The following ALG14 variants were observed in gnomAD, a reference collection of about 807,000 sequenced individuals.
ALG14 encodes the protein ALG14 UDP-N-acetylglucosaminyltransferase subunit, also known as UDP-N-acetylglucosamine transferase subunit ALG14.
A neutral mutation model predicts 22.8 loss-of-function variants in ALG14; 17 were observed. The ratio of observed to expected loss-of-function variants is 0.75; its 90% CI spans 0.51 to 1.12. The LOEUF is 1.12. Ranked by LOEUF, ALG14 falls within the 50% of genes most tolerant of loss-of-function variation. The probability of loss-of-function intolerance (pLI) is 0.00; values close to 1 mark genes in which losing one functional copy is unlikely to be tolerated. For synonymous variants in ALG14, 89 were observed against 103.7 expected (o/e 0.86, Z 0.86); for missense variants, 288 against 271.8 (o/e 1.06, Z -0.42).
chr1:95,049,802 T>C (rs1483785507), intron 2 of ALG14, among the ~76,000 whole-genome samples: 3 of 151,388 alleles, frequency 2.0e-5, no homozygotes, highest in Non-Finnish European at 2.9e-5. Flanking sequence ...ACCCAGGAGG[T>C]GGAGGCTGCA....
intron 3 of ALG14, among the ~76,000 whole-genome samples, chr1:94,988,946 AAT>A (rs1672706667): frequency 6.6e-6 from 1 of 152,240 alleles, no homozygotes; most frequent in Non-Finnish European, 1.5e-5. Flanking sequence ...TTTATACTCT[AAT>A]ATATGTTCAT....
chr1:95,069,761 TG>T (rs1457956885), intron 1 of ALG14, among the ~76,000 whole-genome samples: 27 of 152,202 alleles, frequency 1.8e-4, no homozygotes, highest in Non-Finnish European at 1.0e-4. Flanking sequence ...CATACTCCCC[TG>T]AGGCTTGCCA....
chr1:94,992,502 G>A (rs761140539), intron 3 of ALG14, among the ~76,000 whole-genome samples: 2 of 152,102 alleles, frequency 1.3e-5, no homozygotes, highest in African/African-American at 2.4e-5. Context: ...AGAGGATGAC[G>A]AATGAAGATT....
In ALG14 at chr1:95,064,895, C is replaced by T. The variant is rs1333717428; in HGVS notation, c.259G>A (p.Asp87Asn). 1 of 1,613,866 alleles carries T rather than the reference C, an allele frequency of 6.2e-7. No homozygotes were observed. Among genetic ancestry groups the T allele is most frequent in the Non-Finnish European group, 8.5e-7 (1 of 1,179,818 alleles). ...TTACTAGGGTCTCTATCAGCTCGAT[C>T]TAGTTCAAAAGAATTTATTTTATTG... is the stretch of plus-strand genomic sequence containing the variant. ...SANKINSFEL[D>N]RADRDPSNMY... Residue 87 changes from aspartate to asparagine, a missense_variant, in exon 2 of 4, where the codon GAT becomes AAT. By Grantham distance (23) the Asp-to-Asn change is conservative. Coordinates refer to ENST00000370205, the MANE Select transcript of ALG14 (RefSeq NM_144988.4).
At chr1:95,033,418 TATACACACACACAC>T (rs1175675794) in intron 2 of ALG14, among the ~76,000 whole-genome samples, 4 of 130,364 alleles carry the variant, frequency 3.1e-5, no homozygotes, top group African/African-American at 1.2e-4. Flanking sequence ...TATATATATA[TATACACACACACAC>T]ACACACACAC....
At chr1:95,003,652 G>T (rs1332712456) in intron 3 of ALG14, among the ~76,000 whole-genome samples, 1 of 150,942 alleles carries the variant, frequency 6.6e-6, no homozygotes, top group Non-Finnish European at 1.5e-5. Context: ...TAGAGATGAG[G>T]TCTTGCTATG....
chr1:95,011,705 G>A (rs533951974), intron 3 of ALG14, among the ~76,000 whole-genome samples: 306 of 152,140 alleles, frequency 2.0e-3, no homozygotes, highest in Non-Finnish European at 3.9e-3. Context: ...GTGAGCCGCC[G>A]TGCCCAGCCG....
At chr1:95,035,424 T>C (rs1557965666) in intron 2 of ALG14, among the ~76,000 whole-genome samples, 1 of 152,238 alleles carries the variant, frequency 6.6e-6, no homozygotes, top group Non-Finnish European at 1.5e-5. Flanking sequence ...AACAGGGCCA[T>C]GTCCCATAGT....
chr1:95,021,385 C>A (rs1440965934), intron 3 of ALG14, among the ~76,000 whole-genome samples: 1 of 152,172 alleles, frequency 6.6e-6, no homozygotes, highest in Non-Finnish European at 1.5e-5. Context: ...CATGACGCTT[C>A]CCTACTGACT....
At chr1:95,047,624 G>A (rs1399227127) in intron 2 of ALG14, among the ~76,000 whole-genome samples, 1 of 152,180 alleles carries the variant, frequency 6.6e-6, no homozygotes, top group South Asian at 2.1e-4. Context: ...GATTACAGGT[G>A]TGAGCCACAG....
In ALG14 at chr1:94,975,771, C is replaced by G. The variant is rs572767711; in HGVS notation, c.*7305G>C. The G allele has an allele frequency of 1.3e-5, 2 of 151,774 alleles. No individual in the cohort carries two copies. The highest frequency in any genetic ancestry group is 4.9e-5 in the African/African-American group (2 of 41,224). 9.4% of individuals were successfully genotyped at this position (151,774 alleles called of 1,614,324 possible). On this transcript the variant is annotated 3_prime_UTR_variant, in exon 4 of 4. Transcript: ENST00000370205. ...ATCCCAGCACTTTGGGAGGCCGAGG[C>G]GGGCAGATCACGAGGTGAGGAGATG...
chr1:95,064,989 C>T lies in ALG14; in HGVS notation c.165G>A (p.Leu55=), dbSNP rs768248972. Reference sequence around the variant, plus strand: ...AGTAGGCATTGGACAAGCTCCCAAGCAGCCTCAGGATCTCAGTGGTATGCC... The same window carrying T: ...AGTAGGCATTGGACAAGCTCCCAAGTAGCCTCAGGATCTCAGTGGTATGCC... The part of the protein sequence containing the change: ...SGGHTTEILR[L]LGSLSNAYSP... Residue 55 remains leucine (L), a synonymous_variant, in exon 2 of 4, where the codon CTG becomes CTA. Coordinates refer to ENST00000370205, the MANE Select transcript of ALG14 (RefSeq NM_144988.4). 2 of 1,613,342 alleles carry T rather than the reference C, an allele frequency of 1.2e-6. No homozygotes were observed. The highest frequency in any genetic ancestry group is 2.2e-5 in the South Asian group (2 of 90,996).
chr1:94,988,171 C>T (rs11165284), intron 3 of ALG14, among the ~76,000 whole-genome samples: 22,453 of 151,954 alleles, frequency 0.15, 1,962 homozygotes, highest in African/African-American at 0.23. Flanking sequence ...GGCTCCATTA[C>T]GTAGACAGGT....
chr1:95,050,037 G>A lies in ALG14; in HGVS notation c.288+14829C>T, dbSNP rs563317972. ...TTAACATTTCTAATTTGTATCTTCT[G>A]ATTTCTGGGAAGCTCTCTGTGTTTT... On this transcript the variant is annotated intron_variant, in intron 2 of 3. Transcript: ENST00000370205. Among the ~76,000 whole-genome samples the A allele has an allele frequency of 5.9e-5, 9 of 152,138 alleles. No homozygotes were observed. In the East Asian group the frequency reaches 1.7e-3, roughly 29 times the overall value.
intron 2 of ALG14, among the ~76,000 whole-genome samples, chr1:95,063,160 ATTTG>A (rs1236979460): frequency 6.6e-6 from 1 of 152,058 alleles, no homozygotes; most frequent in Non-Finnish European, 1.5e-5. Flanking sequence ...TTTCTTGTAA[ATTTG>A]TTTAAGTTCC....
Position 94,982,351 on chromosome 1 carries a change from C to T in ALG14, c.*725G>A, listed in dbSNP as rs1672515115. 6.6e-6 allele frequency: 1 copy of T among 152,116 alleles called. No homozygotes were observed. Among genetic ancestry groups the T allele is most frequent in the South Asian group, 2.1e-4 (1 of 4,816 alleles). The allele number at this position is 152,116 out of a possible 1,614,324, so 9.4% of individuals were successfully genotyped here. On this transcript the variant is annotated 3_prime_UTR_variant, in exon 4 of 4. Transcript: ENST00000370205. ...ATGTTGGTCAGGCTGGTGTCAAACT[C>T]CTGACCTCCAGTGATCCACCCGCCT...
In ALG14 at chr1:94,976,690, T is replaced by C. The variant is rs1409071950; in HGVS notation, c.*6386A>G. 1 of 151,832 alleles carries C rather than the reference T, an allele frequency of 6.6e-6. No homozygotes were observed. The highest frequency in any genetic ancestry group is 1.5e-5 in the Non-Finnish European group (1 of 68,052). The allele number at this position is 151,832 out of a possible 1,614,324, so 9.4% of individuals were successfully genotyped here. On this transcript the variant is annotated 3_prime_UTR_variant, in exon 4 of 4. Coordinates refer to ENST00000370205, the MANE Select transcript of ALG14 (RefSeq NM_144988.4). ...CTGGGTGACAGAGTGAGACTCCGTC[T>C]TAAAGAAAAAAAAAAAAGATGTCCC... is the stretch of plus-strand genomic sequence containing the variant.
chr1:95,029,863 A>G (rs1367769158), intron 2 of ALG14, among the ~76,000 whole-genome samples: 1 of 152,204 alleles, frequency 6.6e-6, no homozygotes, highest in African/African-American at 2.4e-5. Flanking sequence ...CTCAATATGT[A>G]TCCACTATTT....
intron 2 of ALG14, among the ~76,000 whole-genome samples, chr1:95,040,591 C>A (rs1339431933): frequency 6.6e-6 from 1 of 152,148 alleles, no homozygotes; most frequent in Non-Finnish European, 1.5e-5. Flanking sequence ...GATCTAACAG[C>A]CTCCATTTGT....
Sources: allele counts gnomAD v4.1 joint callset (sites outside exome capture counted in the v4.1 genomes callset), GRCh38; gene constraint gnomAD v4.1.1; transcripts MANE v1.5; gene names NCBI Gene and HGNC (gene_info 2026-07-23, HGNC 2026-07-21).